The following EIF4G3 variants were observed in gnomAD, a reference collection of about 807,000 sequenced individuals.
The protein encoded by EIF4G3 is eukaryotic translation initiation factor 4 gamma 3.
In EIF4G3, 34 loss-of-function variants were observed where a neutral mutation model predicts 186.4. That is an observed-to-expected ratio of 0.18 (90% CI 0.14 to 0.24). The LOEUF (loss-of-function observed/expected upper bound fraction) is 0.24. Among genes scored for constraint, EIF4G3 ranks in the 10% least tolerant of loss-of-function variants. The pLI is 1.00. For synonymous variants in EIF4G3, 673 were observed against 679.5 expected (o/e 0.99, Z 0.15); for missense variants, 1,536 against 1,948.5 (o/e 0.79, Z 3.99).
intron 25 of EIF4G3, among the ~76,000 whole-genome samples, chr1:20,856,716 T>G (rs1175850816): frequency 6.6e-6 from 1 of 152,112 alleles, no homozygotes; most frequent in Non-Finnish European, 1.5e-5. Context: ...TTTAAACAGG[T>G]GATTGCTTTT....
intron 2 of EIF4G3, among the ~76,000 whole-genome samples, chr1:21,134,347 C>T (rs1302829082): frequency 6.6e-6 from 1 of 152,090 alleles, no homozygotes; most frequent in East Asian, 1.9e-4. Flanking sequence ...CTAGAAAACT[C>T]AGCTATACAT....
intron 3 of EIF4G3, among the ~76,000 whole-genome samples, chr1:21,081,294 T>C (rs2095774277): frequency 1.3e-5 from 2 of 152,150 alleles, no homozygotes; most frequent in Admixed American, 6.5e-5. Context: ...TAGCTGGGCA[T>C]GGATGGTGCA....
At chr1:20,910,717 G>T (rs2093057596) in intron 14 of EIF4G3, among the ~76,000 whole-genome samples, 1 of 152,180 alleles carries the variant, frequency 6.6e-6, no homozygotes, top group African/African-American at 2.4e-5. Context: ...AGATTTTTAT[G>T]AGCCACTTCT....
chr1:20,839,685 G>C (rs989718497), intron 30 of EIF4G3, among the ~76,000 whole-genome samples: 1 of 151,290 alleles, frequency 6.6e-6, no homozygotes, highest in Non-Finnish European at 1.5e-5. Flanking sequence ...AGTAGATGTT[G>C]GCATGTTGGC....
intron 18 of EIF4G3, among the ~76,000 whole-genome samples, chr1:20,886,907 A>G (rs762460585): frequency 6.6e-6 from 1 of 152,160 alleles, no homozygotes; most frequent in Non-Finnish European, 1.5e-5. Flanking sequence ...CTCCCTGAAA[A>G]AAAAGGCTTC....
intron 20 of EIF4G3, among the ~76,000 whole-genome samples, chr1:20,868,090 C>CTTTTCTTTTTTTT (rs1553236851): frequency 1.1e-5 from 1 of 90,416 alleles, no homozygotes; most frequent in South Asian, 4.6e-4. Flanking sequence ...TGGTGATTTT[C>CTTTTCTTTTTTTT]TTTTTTTTTT....
At chr1:21,016,546 T>C (rs2089128217) in intron 4 of EIF4G3, among the ~76,000 whole-genome samples, 1 of 151,998 alleles carries the variant, frequency 6.6e-6, no homozygotes, top group Non-Finnish European at 1.5e-5. Context: ...TAGTTGGGTG[T>C]GGTGATGTAC....
chr1:20,996,235 A>G (rs2082265994), intron 7 of EIF4G3, among the ~76,000 whole-genome samples: 1 of 152,228 alleles, frequency 6.6e-6, no homozygotes, highest in Admixed American at 6.5e-5. Context: ...TCCGTTTTAC[A>G]GGTGAGAAAA....
intron 4 of EIF4G3, among the ~76,000 whole-genome samples, chr1:21,010,788 T>C (rs2086814155): frequency 6.6e-6 from 1 of 152,138 alleles, no homozygotes; most frequent in Admixed American, 6.5e-5. Context: ...TACAATAATA[T>C]CCAACAAACA....
intron 19 of EIF4G3, among the ~76,000 whole-genome samples, chr1:20,880,471 G>C (rs1275709355): frequency 6.6e-6 from 1 of 152,188 alleles, no homozygotes; most frequent in Non-Finnish European, 1.5e-5. Context: ...ACTAGCAAAA[G>C]GTCAGGCGTG....
intron 2 of EIF4G3, among the ~76,000 whole-genome samples, chr1:21,173,168 C>T (rs943129757): frequency 9.7e-6 from 1 of 103,296 alleles, no homozygotes; most frequent in Non-Finnish European, 2.0e-5. Context: ...AAAAAAAAGA[C>T]GTGGGTTCCA....
chr1:20,988,110 TGA>T (rs1161096007), intron 7 of EIF4G3, among the ~76,000 whole-genome samples: 1 of 152,232 alleles, frequency 6.6e-6, no homozygotes, highest in African/African-American at 2.4e-5. Context: ...CTGTGAAGGC[TGA>T]GAGGTAAGAA....
At chr1:20,936,346 C>A (rs943573911) in intron 14 of EIF4G3, among the ~76,000 whole-genome samples, 1 of 152,170 alleles carries the variant, frequency 6.6e-6, no homozygotes, top group Non-Finnish European at 1.5e-5. Flanking sequence ...AAAACTGAAG[C>A]CAATGGTCCT....
intron 2 of EIF4G3, among the ~76,000 whole-genome samples, chr1:21,142,835 A>G (rs1244839488): frequency 6.6e-6 from 1 of 152,244 alleles, no homozygotes; most frequent in African/African-American, 2.4e-5. Context: ...CAAGTAGATT[A>G]GAAAGAATTG....
chr1:21,029,385 C>A (rs1000825953), intron 4 of EIF4G3, among the ~76,000 whole-genome samples: 4 of 151,900 alleles, frequency 2.6e-5, no homozygotes, highest in East Asian at 1.9e-4. Flanking sequence ...CAGAGCCATC[C>A]ATCCTGGGAG....
At chr1:20,834,371 G>A (rs2066140335) in intron 30 of EIF4G3, among the ~76,000 whole-genome samples, 1 of 152,124 alleles carries the variant, frequency 6.6e-6, no homozygotes, top group Admixed American at 6.6e-5. Context: ...CCAGAAGGTA[G>A]AGGTTGCAGT....
intron 12 of EIF4G3, among the ~76,000 whole-genome samples, chr1:20,965,818 A>T (rs1293361179): frequency 2.0e-5 from 3 of 152,142 alleles, no homozygotes; most frequent in African/African-American, 7.2e-5. Flanking sequence ...CACTGAACTT[A>T]AACAATTTTT....
At position 20,865,147 on chromosome 1, in the gene EIF4G3, T is replaced by C; in HGVS notation, c.2738A>G (p.Lys913Arg). 6.2e-7 allele frequency: 1 copy of C among 1,614,178 alleles called. No homozygotes were observed. The highest frequency in any genetic ancestry group is 1.1e-5 in the South Asian group (1 of 91,084). The change falls in exon 21 of 37, where the codon AAG (lysine) becomes AGG (arginine). Residue 913 changes from lysine (K) to arginine (R), a missense_variant. Around this residue, in one of 11 missense-constraint regions of EIF4G3, gnomAD observed 77 missense variants for 131.6 expected, o/e 0.59. Coordinates refer to ENST00000602326, the MANE Select transcript of EIF4G3 (RefSeq NM_001391906.1). ...GGCAGCCTCAAGTTCTTTCTGCTTC[T>C]TCTCAAAGACATCATCATCTGCTTT... is the stretch of plus-strand genomic sequence containing the variant. ...KDKADDDVFE[K>R]KQKELEAASA...
intron 29 of EIF4G3, chr1:20,847,969 CT>C (rs754128779): frequency 2.9e-4 from 109 of 382,210 alleles, no homozygotes; most frequent in East Asian, 7.7e-4. Flanking sequence ...GTAATATTTT[CT>C]TTTTTTTTGT....
Sources: allele counts gnomAD v4.1 joint callset (sites outside exome capture counted in the v4.1 genomes callset), GRCh38; gene constraint gnomAD v4.1.1; regional missense constraint gnomAD v4.1.1; transcripts MANE v1.5; gene names NCBI Gene and HGNC (gene_info 2026-07-23, HGNC 2026-07-21).